Variants in KCNQ3 observed in about 807,000 individuals in gnomAD.
KCNQ3 encodes the protein potassium voltage-gated channel subfamily Q member 3.
KCNQ3 carries 30 observed loss-of-function variants against 92.5 expected under a neutral mutation model. The ratio of observed to expected loss-of-function variants is 0.32; its 90% CI spans 0.24 to 0.44. KCNQ3 has a LOEUF of 0.44. KCNQ3 is among the 20% of genes least tolerant of loss of function. The probability of loss-of-function intolerance (pLI) is 1.00; values close to 1 mark genes in which losing one functional copy is unlikely to be tolerated. For missense variants in KCNQ3, 913 were observed against 1,140.3 expected (o/e 0.80, Z 2.87); for synonymous variants, 450 against 468.8 (o/e 0.96, Z 0.52).
In KCNQ3 at chr8:132,350,882, A is replaced by T. The variant is rs10097662; in HGVS notation, c.386+129265T>A. On this transcript the variant is annotated intron_variant, in intron 1 of 14. Coordinates refer to ENST00000388996, the MANE Select transcript of KCNQ3 (RefSeq NM_004519.4). ...TATTAGAACTTAAAATTGAAAACTC[A>T]AGAGAGAGGAATTTTTTTTTAACGA... is the stretch of plus-strand genomic sequence containing the variant. 9.9e-5 allele frequency among the ~76,000 whole-genome samples: 15 copies of T among 152,120 alleles called. No individual in the cohort carries two copies. The East Asian group carries it at 2.9e-3, about 29-fold the overall frequency.
intron 12 of KCNQ3, among the ~76,000 whole-genome samples, 158 bp downstream of exon 12, chr8:132,137,727 T>C (rs1825149432): frequency 6.6e-6 from 1 of 152,202 alleles, no homozygotes. Flanking sequence ...TCCGATCTGG[T>C]GCTTTGTTGG....
intron 1 of KCNQ3, among the ~76,000 whole-genome samples, chr8:132,415,491 G>A (rs1023116860): frequency 1.3e-5 from 2 of 152,162 alleles, no homozygotes; most frequent in African/African-American, 2.4e-5. Context: ...CCCAGCCCCC[G>A]GCTGCAGAAC....
chr8:132,166,648 A>G (rs1211414854), intron 8 of KCNQ3, among the ~76,000 whole-genome samples: 2 of 152,196 alleles, frequency 1.3e-5, no homozygotes, highest in Admixed American at 6.5e-5. Context: ...AGTTCTTTGC[A>G]ATTCCAAAAC....
rs1287542622 is a variant in KCNQ3, at chr8:132,121,900, GA to G, written c.*7361del. On this transcript the variant is annotated 3_prime_UTR_variant, in exon 15 of 15. Coordinates refer to ENST00000388996, the MANE Select transcript of KCNQ3 (RefSeq NM_004519.4). ...AATGTGAACCAGGTGAATAATTTAT[GA>G]GGCATTATTTTCTGCCACTGACAGC... 1 of 152,110 alleles carries G rather than the reference GA, an allele frequency of 6.6e-6. No individual in the cohort carries two copies. Among genetic ancestry groups the G allele is most frequent in the Non-Finnish European group, 1.5e-5 (1 of 68,028 alleles). The allele number at this position is 152,110 out of a possible 1,614,324, so 9.4% of individuals were successfully genotyped here. A position where few individuals can be genotyped will look rare whatever the true frequency, so the allele number is the denominator to read the frequency against.
At chr8:132,228,460 AC>A (rs1323441135) in intron 1 of KCNQ3, among the ~76,000 whole-genome samples, 1 of 152,160 alleles carries the variant, frequency 6.6e-6, no homozygotes, top group Non-Finnish European at 1.5e-5. Flanking sequence ...GAAACAATCC[AC>A]AGTCCCTGCT....
intron 1 of KCNQ3, among the ~76,000 whole-genome samples, chr8:132,321,735 AAC>A (rs1817897902): frequency 6.6e-6 from 1 of 152,178 alleles, no homozygotes; most frequent in Non-Finnish European, 1.5e-5. Flanking sequence ...GCATTTCCAG[AAC>A]ACACCATTCA....
rs533144173 is a variant in KCNQ3, at chr8:132,433,246, T to G, written c.386+46901A>C. 2.6e-5 allele frequency among the ~76,000 whole-genome samples: 4 copies of G among 152,242 alleles called. No homozygotes were observed. The East Asian group carries it at 7.7e-4, about 29-fold the overall frequency. On this transcript the variant is annotated intron_variant, in intron 1 of 14. Transcript: ENST00000388996. ...GTTCAACCCCACTCATCTGGATCAT[T>G]AGCCCCTCCCAGTTCCTAATTCAAT...
chr8:132,267,111 T>A (rs1816005970), intron 1 of KCNQ3, among the ~76,000 whole-genome samples: 1 of 152,154 alleles, frequency 6.6e-6, no homozygotes, highest in Non-Finnish European at 1.5e-5. Flanking sequence ...AATCCTTCAG[T>A]AAGCACCAAT....
chr8:132,284,651 A>G (rs529619108), intron 1 of KCNQ3, among the ~76,000 whole-genome samples: 1 of 152,336 alleles, frequency 6.6e-6, no homozygotes, highest in Non-Finnish European at 1.5e-5. Flanking sequence ...GTATCTTTCC[A>G]AGGAAAAGAA....
chr8:132,471,710 G>T (rs1167242331), intron 1 of KCNQ3, among the ~76,000 whole-genome samples: 1 of 152,058 alleles, frequency 6.6e-6, no homozygotes, highest in East Asian at 1.9e-4. Context: ...CCTGGTCTAG[G>T]CAAATATTTT....
intron 1 of KCNQ3, among the ~76,000 whole-genome samples, chr8:132,249,279 G>A (rs565566171): frequency 6.6e-6 from 1 of 152,304 alleles, no homozygotes; most frequent in South Asian, 2.1e-4. Context: ...CCCACATCCT[G>A]CCGATTGGTC....
chr8:132,263,505 T>C (rs188316935), intron 1 of KCNQ3, among the ~76,000 whole-genome samples: 48 of 152,296 alleles, frequency 3.2e-4, no homozygotes, highest in African/African-American at 1.1e-3. Flanking sequence ...AGGCTGGGGC[T>C]GGATGAGCTG....
At chr8:132,176,953 C>T (rs993137432) in intron 4 of KCNQ3, among the ~76,000 whole-genome samples, 4 of 152,162 alleles carry the variant, frequency 2.6e-5, no homozygotes, top group East Asian at 1.9e-4. Flanking sequence ...ATAATACAGG[C>T]GACCCAGCCA....
chr8:132,230,627 A>G (rs1586848169), intron 1 of KCNQ3, among the ~76,000 whole-genome samples: 1 of 152,250 alleles, frequency 6.6e-6, no homozygotes, highest in East Asian at 1.9e-4. Context: ...CCAAACCTCA[A>G]TCAACTAAGC....
intron 1 of KCNQ3, among the ~76,000 whole-genome samples, chr8:132,203,639 G>GC (rs1199762136): frequency 1.3e-5 from 2 of 152,128 alleles, no homozygotes; most frequent in Non-Finnish European, 2.9e-5. Flanking sequence ...AATTTTGACT[G>GC]CATTATTTAT....
At chr8:132,459,781 G>A (rs1048458139) in intron 1 of KCNQ3, among the ~76,000 whole-genome samples, 1 of 149,732 alleles carries the variant, frequency 6.7e-6, no homozygotes, top group African/African-American at 2.5e-5. Context: ...TTGGAAGGAA[G>A]TCACTTATGC....
chr8:132,264,328 G>A (rs963352411), intron 1 of KCNQ3, among the ~76,000 whole-genome samples: 1 of 152,152 alleles, frequency 6.6e-6, no homozygotes, highest in Non-Finnish European at 1.5e-5. Flanking sequence ...GAGCTGTGCA[G>A]AATAGAAGCA....
At chr8:132,364,278 T>G (rs1819253692) in intron 1 of KCNQ3, among the ~76,000 whole-genome samples, 1 of 152,212 alleles carries the variant, frequency 6.6e-6, no homozygotes, top group South Asian at 2.1e-4. Flanking sequence ...AAACTGTGAA[T>G]TACTTTCAGT....
chr8:132,272,857 T>A (rs1035504251), intron 1 of KCNQ3, among the ~76,000 whole-genome samples: 4 of 152,076 alleles, frequency 2.6e-5, no homozygotes, highest in African/African-American at 9.7e-5. Flanking sequence ...CCCTTCCAAA[T>A]CTCATGTCCT....
Sources: gnomAD v4.1 joint callset for allele counts (sites outside exome capture counted in the v4.1 genomes callset) on GRCh38, gnomAD v4.1.1 for gene constraint, MANE v1.5 for transcripts, NCBI Gene and HGNC (gene_info 2026-07-23, HGNC 2026-07-21) for gene names.